Variants in COL23A1 observed in about 807,000 individuals in gnomAD.
COL23A1 encodes the protein collagen alpha-1(XXIII) chain.
Under a neutral mutation model 99.3 loss-of-function variants are expected in COL23A1, and 97 were observed. The observed-to-expected ratio is 0.98, with a 90% CI of 0.83 to 1.16. The LOEUF is 1.16. Among genes scored for constraint, COL23A1 ranks in the 50% most tolerant of loss-of-function variants. COL23A1 has a pLI of 0.00. For synonymous variants in COL23A1, 320 were observed against 308.2 expected, an observed-to-expected ratio of 1.04 and a Z score of -0.40; for missense variants, 762 against 757.4, an observed-to-expected ratio of 1.01 and a Z score of -0.07.
intron 2 of COL23A1, among the ~76,000 whole-genome samples, chr5:178,515,819 C>T (rs1191069825): frequency 6.6e-6 from 1 of 152,144 alleles, no homozygotes; most frequent in Non-Finnish European, 1.5e-5. Flanking sequence ...TTCCCTTCCA[C>T]AGCTCCCACC....
At position 178,313,647 on chromosome 5, in the gene COL23A1, A is replaced by T. The variant is rs73344855; in HGVS notation, c.362-6728T>A. 0.03 allele frequency among the ~76,000 whole-genome samples: 4,564 copies of T among 152,062 alleles called. 214 individuals carry two copies. Among genetic ancestry groups the T allele is most frequent in the African/African-American group, 0.1 (4,323 of 41,448 alleles). ...GATTTCCAGTGTGACCATGGCCAAG[A>T]TTTTCTCATCCCACCACGTGTCGAG... On this transcript the variant is annotated intron_variant, in intron 2 of 28. Transcript: ENST00000390654. This position sits in a 1 kb window ranked among gnomAD's most constrained non-coding sequence, Gnocchi z 4.2.
At chr5:178,399,838 T>C (rs1184276927) in intron 2 of COL23A1, among the ~76,000 whole-genome samples, 2 of 152,210 alleles carry the variant, frequency 1.3e-5, no homozygotes, top group East Asian at 1.9e-4. Context: ...AAAAATGTAC[T>C]GACATGATTG....
At position 178,284,682 on chromosome 5, in the gene COL23A1, T is replaced by C. The variant is rs867763550; in HGVS notation, c.441+3642A>G. ...TAACTTTGAGACTAAATAAATGATA[T>C]ATCGGATCAAATACAATGTAGCCAT... On this transcript the variant is annotated intron_variant, in intron 5 of 28. Transcript: ENST00000390654. Among the ~76,000 whole-genome samples the C allele has an allele frequency of 2.0e-5, 3 of 152,364 alleles. No homozygotes were observed. In the Middle Eastern group the frequency reaches 0.01, roughly 518 times the overall value.
In COL23A1 at chr5:178,398,242, G is replaced by A. The variant is rs1483186256; in HGVS notation, c.362-91323C>T. ...GAATAACTCCCTTTATCAACATGCT[G>A]TGGCGTTCAGATGTGAACAGTCTTC... On this transcript the variant is annotated intron_variant, in intron 2 of 28. Coordinates refer to ENST00000390654, the MANE Select transcript of COL23A1 (RefSeq NM_173465.4). Among the ~76,000 whole-genome samples, 4 of 152,344 alleles carry A rather than the reference G, an allele frequency of 2.6e-5. No individual in the cohort carries two copies. The East Asian group carries it at 7.7e-4, about 29-fold the overall frequency.
intron 2 of COL23A1, among the ~76,000 whole-genome samples, chr5:178,478,539 T>C (rs1757153321): frequency 6.6e-6 from 1 of 152,202 alleles, no homozygotes; most frequent in African/African-American, 2.4e-5. Flanking sequence ...ACACCAGCAC[T>C]GAGGCCCACA....
At chr5:178,298,756 G>A (rs1204382952) in intron 3 of COL23A1, among the ~76,000 whole-genome samples, 1 of 152,220 alleles carries the variant, frequency 6.6e-6, no homozygotes, top group Non-Finnish European at 1.5e-5. Flanking sequence ...TTCCCTAAAG[G>A]AGCAGAATGG....
At position 178,434,309 on chromosome 5, in the gene COL23A1, C is replaced by T. The variant is rs1109115; in HGVS notation, c.361+126373G>A. Among the ~76,000 whole-genome samples, 4,427 of 152,266 alleles carry T rather than the reference C, an allele frequency of 0.029. 224 individuals carry two copies. Among genetic ancestry groups the T allele is most frequent in the African/African-American group, 0.097 (4,033 of 41,524 alleles). ...AGCCTTCTTGGGTACCTCCTCCTCACGTACTCACTGGCCCCGAGGCACTGT... is the reference window on the plus strand; with the variant it reads ...AGCCTTCTTGGGTACCTCCTCCTCATGTACTCACTGGCCCCGAGGCACTGT... On this transcript the variant is annotated intron_variant, in intron 2 of 28. Transcript: ENST00000390654. The surrounding 1 kb of genome is among the most constrained non-coding windows in gnomAD (Gnocchi z 4.3).
intron 2 of COL23A1, among the ~76,000 whole-genome samples, chr5:178,498,207 TATATATA>T (rs1490010906): frequency 1.2e-4 from 1 of 8,012 alleles, no homozygotes; most frequent in Non-Finnish European, 2.1e-4. Context: ...TTTATTTAAA[TATATATA>T]TATATATATA....
intron 3 of COL23A1, among the ~76,000 whole-genome samples, chr5:178,301,759 C>T (rs371778853): frequency 1.3e-5 from 2 of 151,930 alleles, no homozygotes; most frequent in South Asian, 2.1e-4. Context: ...TCTGTGCTGG[C>T]GGGCTGTGTG....
In COL23A1 at chr5:178,306,326, G is replaced by A. The variant is rs56362831; in HGVS notation, c.406+549C>T. Among the ~76,000 whole-genome samples the A allele has an allele frequency of 0.61, 91,677 of 151,150 alleles. 28,489 individuals are homozygous for A. The highest frequency in any genetic ancestry group is 0.68 in the Non-Finnish European group (46,250 of 67,710). On this transcript the variant is annotated intron_variant, in intron 3 of 28. Coordinates refer to ENST00000390654, the MANE Select transcript of COL23A1 (RefSeq NM_173465.4). The surrounding 1 kb of genome is among the most constrained non-coding windows in gnomAD (Gnocchi z 4.1). ...GTCAGAGGGGCTTAGGGAAGTCCCT[G>A]GGCGAAGGGGGCAATCTGCTGGGGA...
At chr5:178,565,980 T>C (rs1374262519) in intron 1 of COL23A1, among the ~76,000 whole-genome samples, 4 of 149,010 alleles carry the variant, frequency 2.7e-5, no homozygotes, top group Admixed American at 2.0e-4. Flanking sequence ...AAAAAAAAAT[T>C]AGCCGGGCGT....
chr5:178,364,224 C>G (rs564003747), intron 2 of COL23A1, among the ~76,000 whole-genome samples: 34 of 152,202 alleles, frequency 2.2e-4, no homozygotes, highest in Non-Finnish European at 4.6e-4. Context: ...CCTAAGCCCA[C>G]GTCCCTTGTA....
At chr5:178,487,632 C>T (rs927909453) in intron 2 of COL23A1, among the ~76,000 whole-genome samples, 13 of 152,110 alleles carry the variant, frequency 8.5e-5, no homozygotes, top group South Asian at 4.1e-4. Context: ...GGAATGACTC[C>T]GGAGAGTCCT....
At chr5:178,256,312 G>T in intron 15 of COL23A1, 41 bp downstream of exon 15, 3 of 1,532,806 alleles carry the variant, frequency 2.0e-6, no homozygotes, top group South Asian at 2.5e-5. Flanking sequence ...GGGGCCCCTA[G>T]ATCTCATCCC....
intron 2 of COL23A1, among the ~76,000 whole-genome samples, chr5:178,381,459 A>G (rs1300398435): frequency 1.3e-5 from 2 of 152,124 alleles, no homozygotes; most frequent in Admixed American, 6.5e-5. Flanking sequence ...CACCACCGGG[A>G]GAGAGGGTCC....
chr5:178,552,282 G>A (rs1034494190), intron 2 of COL23A1, among the ~76,000 whole-genome samples: 2 of 152,082 alleles, frequency 1.3e-5, no homozygotes, highest in Non-Finnish European at 2.9e-5. Context: ...GCACAAAATA[G>A]GGTAGGAGAG....
At chr5:178,424,533 C>G (rs1362708784) in intron 2 of COL23A1, among the ~76,000 whole-genome samples, 1 of 152,218 alleles carries the variant, frequency 6.6e-6, no homozygotes, top group African/African-American at 2.4e-5. Context: ...TTCTCTGGAG[C>G]TGAACAAAGA....
intron 2 of COL23A1, among the ~76,000 whole-genome samples, chr5:178,510,368 C>T (rs1047409700): frequency 6.6e-6 from 1 of 152,148 alleles, no homozygotes; most frequent in African/African-American, 2.4e-5. Flanking sequence ...ATGGTGAAAC[C>T]CTGTCTCTAC....
intron 3 of COL23A1, among the ~76,000 whole-genome samples, chr5:178,304,135 G>A (rs547607695): frequency 6.6e-6 from 1 of 152,302 alleles, no homozygotes; most frequent in South Asian, 2.1e-4. Context: ...TGCACTGAAG[G>A]CAGGCAGGAT....
Sources: gnomAD v4.1 joint callset for allele counts (sites outside exome capture counted in the v4.1 genomes callset) on GRCh38, gnomAD v4.1.1 for gene constraint, Gnocchi (gnomAD v3.1) non-coding constraint, MANE v1.5 for transcripts, NCBI Gene and HGNC (gene_info 2026-07-23, HGNC 2026-07-21) for gene names.